The following NLRP12 variants were observed in gnomAD, a reference collection of about 807,000 sequenced individuals.
NLRP12 encodes the protein NACHT, LRR and PYD domains-containing protein 12.
NLRP12 carries 108 observed loss-of-function variants against 91.2 expected under a neutral mutation model. The ratio of observed to expected loss-of-function variants is 1.18; its 90% CI spans 1.01 to 1.39. The LOEUF (loss-of-function observed/expected upper bound fraction) is 1.39. NLRP12 is among the 40% of genes most tolerant of loss of function. NLRP12 has a pLI of 0.00. For synonymous variants in NLRP12, 613 were observed against 566.7 expected (o/e 1.08, Z -1.16); for missense variants, 1,530 against 1,352.7 (o/e 1.13, Z -2.06).
Position 53,804,136 on chromosome 19 carries a change from A to G in NLRP12, c.2415-14T>C, listed in dbSNP as rs1468239940. 3 of 1,613,530 alleles carry G rather than the reference A, an allele frequency of 1.9e-6. No homozygotes were observed. Among genetic ancestry groups the G allele is most frequent in the African/African-American group, 1.3e-5 (1 of 74,926 alleles). On this transcript the variant is annotated splice_polypyrimidine_tract_variant and intron_variant, in intron 5 of 9. Transcript: ENST00000324134. Reference sequence around the variant, plus strand: ...CACTTCCTCAACCTTGGGAGGAAGGAGAGGTTGAAGGGGACGCCATCTTGC... The same window carrying G: ...CACTTCCTCAACCTTGGGAGGAAGGGGAGGTTGAAGGGGACGCCATCTTGC...
At chr19:53,801,017 C>A (rs2091860321) in intron 7 of NLRP12, among the ~76,000 whole-genome samples, 1 of 151,748 alleles carries the variant, frequency 6.6e-6, no homozygotes, top group African/African-American at 2.4e-5. Context: ...CATGATGAAA[C>A]CCTGTCTCTA....
intron 9 of NLRP12, among the ~76,000 whole-genome samples, chr19:53,794,501 A>G (rs1369641826): frequency 1.9e-5 from 2 of 103,678 alleles, no homozygotes; most frequent in East Asian, 2.4e-4. Context: ...TTGTATTTTT[A>G]GTAGAGACAA....
At position 53,811,257 on chromosome 19, in the gene NLRP12, G is replaced by A; in HGVS notation, c.402C>T (p.Arg134=). ...DPQETYRDYV[R]RKFRLMEDRN... is the part of the protein sequence containing the mutation. ...GGTCTTCCATGAGCCGGAATTTCCT[G>A]CGGACATAGTCCCTGTAGGTTTCCT... The change falls in exon 3 of 10, where the codon CGC becomes CGT. Residue 134 remains arginine, a synonymous_variant. Coordinates refer to ENST00000324134, the MANE Select transcript of NLRP12 (RefSeq NM_144687.4). 3.7e-6 allele frequency: 6 copies of A among 1,614,000 alleles called. No individual in the cohort carries two copies. The highest frequency in any genetic ancestry group is 2.2e-5 in the East Asian group (1 of 44,780).
intron 8 of NLRP12, among the ~76,000 whole-genome samples, chr19:53,796,515 G>A (rs987135571): frequency 1.9e-4 from 29 of 152,086 alleles, no homozygotes; most frequent in African/African-American, 6.5e-4. Flanking sequence ...CCAAAGTGCT[G>A]GGATTACAGG....
At chr19:53,822,164 A>G (rs73056711) in intron 1 of NLRP12, among the ~76,000 whole-genome samples, 4,888 of 152,218 alleles carry the variant, frequency 0.032, 145 homozygotes, top group Admixed American at 0.061. Flanking sequence ...GATAGGATCA[A>G]TCTTACTCTG....
chr19:53,808,983 C>T (rs2092007332), intron 3 of NLRP12, among the ~76,000 whole-genome samples: 1 of 151,946 alleles, frequency 6.6e-6, no homozygotes, highest in Non-Finnish European at 1.5e-5. Flanking sequence ...GAGCATGAAC[C>T]TCAAGGCCAA....
At chr19:53,807,376 CTT>C (rs1300623330) in intron 4 of NLRP12, 117 bp downstream of exon 4, 6 of 1,066,878 alleles carry the variant, frequency 5.6e-6, no homozygotes, top group East Asian at 2.6e-5. Context: ...CTTTGTGACA[CTT>C]TTTTATGGCA....
chr19:53,813,600 C>T (rs1044776163), intron 2 of NLRP12, among the ~76,000 whole-genome samples: 1 of 152,098 alleles, frequency 6.6e-6, no homozygotes, highest in East Asian at 1.9e-4. Flanking sequence ...CCATGCCGGG[C>T]GTGGCAACTG....
At chr19:53,812,547 G>A (rs1215958338) in intron 2 of NLRP12, among the ~76,000 whole-genome samples, 1 of 152,090 alleles carries the variant, frequency 6.6e-6, no homozygotes, top group Non-Finnish European at 1.5e-5. Flanking sequence ...CCACATAGTG[G>A]ATAGAGGCCA....
chr19:53,805,143 G>T (rs1432293466), intron 5 of NLRP12, 137 bp downstream of exon 5: 3 of 872,914 alleles, frequency 3.4e-6, no homozygotes, highest in East Asian at 5.3e-5. Context: ...AGAGTCCAGG[G>T]CCAGGGTCTT....
Position 53,807,558 on chromosome 19 carries a change from C to CT in NLRP12, c.2179dup (p.Ser727LysfsTer44), listed in dbSNP as rs2091981162. On this transcript the variant is annotated frameshift_variant, in exon 4 of 10. Coordinates refer to ENST00000324134, the MANE Select transcript of NLRP12 (RefSeq NM_144687.4). LOFTEE classifies it high-confidence loss of function. ...TTGACAGAGCAGCTTCACCCCCCGG[C>CT]TGCCCAGGGCATTTCGGTACAGAGA... The CT allele has an allele frequency of 6.2e-7, 1 of 1,614,038 alleles. No homozygotes were observed. Among genetic ancestry groups the CT allele is most frequent in the Admixed American group, 1.7e-5 (1 of 59,978 alleles).
At position 53,824,020 on chromosome 19, in the gene NLRP12, C is replaced by T. The variant is rs758138704; in HGVS notation, c.155G>A (p.Gly52Asp). The change falls in exon 1 of 10, where the codon GGT becomes GAT. Residue 52 changes from glycine (G) to aspartate (D), a missense_variant. By Grantham distance (94) the Gly-to-Asp change is moderately conservative. Coordinates refer to ENST00000324134, the MANE Select transcript of NLRP12 (RefSeq NM_144687.4). Reference sequence around the variant, plus strand: ...GAGCAGCTGGGCCATTTCCAGGGGACCGGCCTTCTCCATGCTTCCCCAGGG... The same window carrying T: ...GAGCAGCTGGGCCATTTCCAGGGGATCGGCCTTCTCCATGCTTCCCCAGGG... ...KIPWGSMEKA[G>D]PLEMAQLLIT... 12 of 1,614,194 alleles carry T rather than the reference C, an allele frequency of 7.4e-6. No individual in the cohort carries two copies. Among genetic ancestry groups the T allele is most frequent in the Non-Finnish European group, 9.3e-6 (11 of 1,180,036 alleles).
chr19:53,814,649 C>T (rs1277966231), intron 2 of NLRP12, among the ~76,000 whole-genome samples: 2 of 152,314 alleles, frequency 1.3e-5, no homozygotes, highest in Admixed American at 1.3e-4. Flanking sequence ...CTGTACCTGG[C>T]CTCTTAGCCT....
intron 1 of NLRP12, among the ~76,000 whole-genome samples, chr19:53,817,842 G>T (rs1026814707): frequency 5.6e-4 from 85 of 151,854 alleles, no homozygotes; most frequent in African/African-American, 1.9e-3. Context: ...GTCCAGGCTG[G>T]TGTGATGTTG....
At chr19:53,801,084 T>C (rs1555793476) in intron 7 of NLRP12, 143 bp downstream of exon 7, 5 of 747,254 alleles carry the variant, frequency 6.7e-6, no homozygotes, top group Admixed American at 4.7e-5. Flanking sequence ...TCTCAGCTAC[T>C]TGGGAGTCTC....
At chr19:53,806,925 T>C (rs1192383893) in intron 4 of NLRP12, among the ~76,000 whole-genome samples, 2 of 150,482 alleles carry the variant, frequency 1.3e-5, no homozygotes, top group African/African-American at 2.4e-5. Context: ...AGGATGACCA[T>C]GTGAAGACAG....
intron 7 of NLRP12, among the ~76,000 whole-genome samples, chr19:53,799,912 C>T (rs2091838793): frequency 6.6e-6 from 1 of 152,038 alleles, no homozygotes; most frequent in African/African-American, 2.4e-5. Context: ...ACCTGTAATC[C>T]CAGCACTTTG....
At chr19:53,823,336 A>G (rs1443689929) in intron 1 of NLRP12, among the ~76,000 whole-genome samples, 2 of 136,690 alleles carry the variant, frequency 1.5e-5, no homozygotes, top group Non-Finnish European at 3.1e-5. Flanking sequence ...TACTATATTT[A>G]TATATAATAT....
rs2092038322 is a variant in NLRP12, at chr19:53,810,058, C to T, written c.1601G>A (p.Gly534Glu). 1.9e-6 allele frequency: 3 copies of T among 1,613,968 alleles called. No individual in the cohort carries two copies. The highest frequency in any genetic ancestry group is 2.2e-5 in the South Asian group (2 of 91,086). The change falls in exon 3 of 10, where the codon GGG becomes GAG. Residue 534 changes from glycine to glutamate, a missense_variant. Coordinates refer to ENST00000324134, the MANE Select transcript of NLRP12 (RefSeq NM_144687.4). ...MYYILDEGEG[G>E]AGPDQDVTRL... ...GGTCACGTCCTGGTCTGGGCCTGCC[C>T]CGCCCTCCCCCTCGTCCAGGATATA...
Sources: gnomAD v4.1 joint callset for allele counts (sites outside exome capture counted in the v4.1 genomes callset) on GRCh38, gnomAD v4.1.1 for gene constraint, MANE v1.5 for transcripts, NCBI Gene and HGNC (gene_info 2026-07-23, HGNC 2026-07-21) for gene names.